The following PHF11 variants were observed in gnomAD, a reference collection of about 807,000 sequenced individuals.
PHF11 encodes PHD finger protein 11.
In PHF11, 38 loss-of-function variants were observed where a neutral mutation model predicts 40.5. The ratio of observed to expected loss-of-function variants is 0.94; its 90% CI spans 0.72 to 1.23. PHF11 has a LOEUF of 1.23. Ranked by LOEUF, PHF11 falls within the 50% of genes most tolerant of loss-of-function variation. The pLI is 0.00. For missense variants in PHF11, 369 were observed against 392.4 expected (o/e 0.94, Z 0.50); for synonymous variants, 127 against 138.2 (o/e 0.92, Z 0.57).
chr13:49,518,987 T>C (rs9596130), intron 4 of PHF11, among the ~76,000 whole-genome samples: 15,137 of 148,130 alleles, frequency 0.1, 1,444 homozygotes, highest in African/African-American at 0.26. Context: ...AGGCGCCCGC[T>C]ACCACGCCCG....
chr13:49,497,795 C>A (rs1215481529), intron 1 of PHF11, among the ~76,000 whole-genome samples: 1 of 152,204 alleles, frequency 6.6e-6, no homozygotes, highest in Non-Finnish European at 1.5e-5. Flanking sequence ...GACTCTGCTA[C>A]CCTGCTACCT....
intron 2 of PHF11, among the ~76,000 whole-genome samples, chr13:49,511,492 A>G (rs568616822): frequency 9.9e-4 from 150 of 151,970 alleles, no homozygotes; most frequent in African/African-American, 3.5e-3. Flanking sequence ...ATGCCCAGCT[A>G]ATTTTTTGTA....
rs536237727 is a variant in PHF11, at chr13:49,499,829, C to T, written c.94+3734C>T. On this transcript the variant is annotated intron_variant, in intron 1 of 9. Coordinates refer to ENST00000378319, the MANE Select transcript of PHF11 (RefSeq NM_001040443.3). The stretch of plus-strand genomic sequence containing the variant: ...AAATTAGTTACCTACCAGTCCAGAA[C>T]AAATCTATACTGGAAGGGGATTCTA... Among the ~76,000 whole-genome samples, 32 of 152,230 alleles carry T rather than the reference C, an allele frequency of 2.1e-4. 1 individual carries two copies. Among genetic ancestry groups the T allele is most frequent in the Non-Finnish European group, 4.3e-4 (29 of 68,048 alleles).
At chr13:49,521,799 C>T (rs1311557405) in intron 5 of PHF11, 1 of 257,892 alleles carries the variant, frequency 3.9e-6, no homozygotes, top group Non-Finnish European at 7.5e-6. Flanking sequence ...TCAATGAACC[C>T]TCTCCCCAGA....
chr13:49,508,247 A>ATATTATTGTGTTATGTATTAATG, intron 2 of PHF11, among the ~76,000 whole-genome samples: 1 of 147,254 alleles, frequency 6.8e-6, no homozygotes, highest in East Asian at 1.9e-4. Context: ...ATGTATTAAT[A>ATATTATTGTGTTATGTATTAATG]TATTATTAAT....
At chr13:49,519,202 T>C (rs145218532) in intron 4 of PHF11, among the ~76,000 whole-genome samples, 1 of 152,346 alleles carries the variant, frequency 6.6e-6, no homozygotes, top group African/African-American at 2.4e-5. Context: ...ACATGAAATG[T>C]GTAAATATGT....
In PHF11 at chr13:49,518,154, A is replaced by G. The variant is rs1216959127; in HGVS notation, c.458+3A>G. On this transcript the variant is annotated splice_donor_region_variant and intron_variant, in intron 4 of 9. Transcript: ENST00000378319. ...GATGGAGTTCGAGGAATTTATAAGTATTTAATAAAACATTTTTAAAACCAC... is the reference window on the plus strand; with the variant it reads ...GATGGAGTTCGAGGAATTTATAAGTGTTTAATAAAACATTTTTAAAACCAC... The G allele has an allele frequency of 6.3e-7, 1 of 1,578,042 alleles. No homozygotes were observed. Among genetic ancestry groups the G allele is most frequent in the African/African-American group, 1.4e-5 (1 of 73,604 alleles).
At chr13:49,526,608 ACC>A (rs2139082532) in intron 9 of PHF11, 150 bp downstream of exon 9, 1 of 606,884 alleles carries the variant, frequency 1.6e-6, no homozygotes, top group African/African-American at 1.9e-5. Context: ...AAACAGTATG[ACC>A]CCGCCCACCT....
chr13:49,504,592 G>C (rs1256767755), intron 1 of PHF11, among the ~76,000 whole-genome samples: 1 of 109,672 alleles, frequency 9.1e-6, no homozygotes, highest in East Asian at 4.2e-4. Flanking sequence ...GGAGGGAGGT[G>C]GGGGGTCAGC....
chr13:49,524,005 TCTG>T, intron 7 of PHF11, 77 bp from the exon 8 acceptor site: 1 of 1,155,338 alleles, frequency 8.7e-7, no homozygotes, highest in East Asian at 2.4e-5. Context: ...CTAGGCAAGG[TCTG>T]AAGAAATAAG....
At chr13:49,520,007 A>G (rs1959179870) in intron 4 of PHF11, among the ~76,000 whole-genome samples, 2 of 152,158 alleles carry the variant, frequency 1.3e-5, no homozygotes, top group African/African-American at 4.8e-5. Context: ...AAGGTTAGAA[A>G]GTGGCCTGAG....
chr13:49,496,190 C>T lies in PHF11; in HGVS notation c.94+95C>T, dbSNP rs1320409301. On this transcript the variant is annotated intron_variant, in intron 1 of 9. Transcript: ENST00000378319. ...CCTTCCGGTCGTGGCCGCATGGGGG[C>T]CCGACCTGCCCCTACTCCGGGCCGG... 5.2e-6 allele frequency: 4 copies of T among 763,500 alleles called. No individual in the cohort carries two copies. The African/African-American group carries it at 5.5e-5, about 10-fold the overall frequency. 47.3% of individuals were successfully genotyped at this position (763,500 alleles called of 1,614,324 possible). A position where few individuals can be genotyped will look rare whatever the true frequency, so the allele number is the denominator to read the frequency against.
chr13:49,526,603 G>C, intron 9 of PHF11, 145 bp downstream of exon 9: 1 of 628,578 alleles, frequency 1.6e-6, no homozygotes, highest in Non-Finnish European at 2.8e-6. Context: ...TACAAAAACA[G>C]TATGACCCCG....
At chr13:49,501,226 T>C (rs1958904393) in intron 1 of PHF11, among the ~76,000 whole-genome samples, 1 of 152,082 alleles carries the variant, frequency 6.6e-6, no homozygotes, top group Non-Finnish European at 1.5e-5. Context: ...TTTGTCAGGC[T>C]GCTCTTGAAC....
chr13:49,521,915 CT>C (rs1380013753), intron 5 of PHF11, 127 bp from the exon 6 acceptor site: 3 of 513,974 alleles, frequency 5.8e-6, no homozygotes, highest in African/African-American at 2.0e-5. Context: ...GCTGCAAACA[CT>C]TAGTTGAAGT....
Position 49,520,877 on chromosome 13 carries a change from G to A in PHF11, c.459-17G>A. On this transcript the variant is annotated splice_polypyrimidine_tract_variant and intron_variant, in intron 4 of 9. Transcript: ENST00000378319. ...AAATAAAAATATTTTACAATTCTTT[G>A]AAATTAAATATTTCAGACTGCTTTG... is the stretch of plus-strand genomic sequence containing the variant. 6.7e-7 allele frequency: 1 copy of A among 1,502,538 alleles called. No homozygotes were observed. Among genetic ancestry groups the A allele is most frequent in the Non-Finnish European group, 9.1e-7 (1 of 1,097,098 alleles). The allele number at this position is 1,502,538 out of a possible 1,614,324, so 93.1% of individuals were successfully genotyped here. A position where few individuals can be genotyped will look rare whatever the true frequency, so the allele number is the denominator to read the frequency against.
intron 1 of PHF11, among the ~76,000 whole-genome samples, chr13:49,498,560 A>G (rs1446599890): frequency 6.6e-6 from 1 of 152,242 alleles, no homozygotes; most frequent in East Asian, 1.9e-4. Flanking sequence ...CATTTCAGGT[A>G]GATCATTCTG....
chr13:49,507,615 C>T (rs1959021125), intron 2 of PHF11, among the ~76,000 whole-genome samples: 1 of 152,218 alleles, frequency 6.6e-6, no homozygotes, highest in African/African-American at 2.4e-5. Context: ...ATACACCTAA[C>T]TTACCAAACA....
chr13:49,514,762 TAAAAA>T (rs10715395), intron 3 of PHF11, among the ~76,000 whole-genome samples: 13 of 143,832 alleles, frequency 9.0e-5, no homozygotes, highest in Admixed American at 6.2e-4. Flanking sequence ...TGTCTCAAAT[TAAAAA>T]AAAAAAAAAA....
Sources: allele counts gnomAD v4.1 joint callset (sites outside exome capture counted in the v4.1 genomes callset), GRCh38; gene constraint gnomAD v4.1.1; transcripts MANE v1.5; gene names NCBI Gene and HGNC (gene_info 2026-07-23, HGNC 2026-07-21).